The following ACTR3C variants were observed in gnomAD, a reference collection of about 807,000 sequenced individuals.
The protein encoded by ACTR3C is actin-related protein 3C.
Under a neutral mutation model 26.3 loss-of-function variants are expected in ACTR3C, and 18 were observed. The observed-to-expected ratio is 0.68, with a 90% CI of 0.47 to 1.01. The LOEUF (loss-of-function observed/expected upper bound fraction) is 1.01. Among genes scored for constraint, ACTR3C ranks in the 50% least tolerant of loss-of-function variants. The pLI, the probability that ACTR3C is intolerant of heterozygous loss-of-function variation, is 0.00. For missense variants in ACTR3C, 184 were observed against 250.7 expected (o/e 0.73, Z 1.80); for synonymous variants, 55 against 94.5 (o/e 0.58, Z 2.42).
At chr7:150,056,751 C>T in the ACTR3C span, among the ~76,000 whole-genome samples, 2,455 of 146,340 alleles carry the variant, frequency 0.017, 74 homozygotes, top group African/African-American at 0.059. Context: ...CTGCAGCGCA[C>T]CCATAATCAT....
At chr7:150,197,135 C>A in the ACTR3C span, among the ~76,000 whole-genome samples, 1 of 152,202 alleles carries the variant, frequency 6.6e-6, no homozygotes, top group Admixed American at 6.5e-5. Context: ...ATCTCCTCTG[C>A]AGAGGCTGGT....
the ACTR3C span, among the ~76,000 whole-genome samples, chr7:150,200,327 C>T: frequency 1.3e-5 from 2 of 152,032 alleles, no homozygotes; most frequent in East Asian, 3.9e-4. Context: ...AGCTTTTAAC[C>T]ATCAAAAGTG....
At chr7:150,040,857 TG>T in the ACTR3C span, among the ~76,000 whole-genome samples, 4 of 148,608 alleles carry the variant, frequency 2.7e-5, no homozygotes, top group African/African-American at 1.0e-4. Flanking sequence ...GAAGAGGGGC[TG>T]GCTCTCAACC....
chr7:149,949,980 C>T, the ACTR3C span, among the ~76,000 whole-genome samples: 1 of 140,744 alleles, frequency 7.1e-6, no homozygotes. Context: ...GAAGCGAGTG[C>T]ACTCCCTGGA....
chr7:150,080,653 A>G, the ACTR3C span, among the ~76,000 whole-genome samples: 1 of 152,088 alleles, frequency 6.6e-6, no homozygotes, highest in Non-Finnish European at 1.5e-5. Flanking sequence ...CTAGATGGAC[A>G]GTTCTGTGGG....
the ACTR3C span, among the ~76,000 whole-genome samples, chr7:150,199,278 T>C: frequency 7.8e-6 from 1 of 127,890 alleles, no homozygotes; most frequent in Non-Finnish European, 1.6e-5. Context: ...TTCCTCTGCC[T>C]TGGGATCCTG....
chr7:149,913,312 G>A, the ACTR3C span, among the ~76,000 whole-genome samples: 2 of 152,062 alleles, frequency 1.3e-5, no homozygotes, highest in Non-Finnish European at 2.9e-5. Flanking sequence ...AAAAAGAAAC[G>A]TTCCCTATTT....
At chr7:149,898,336 A>G in the ACTR3C span, among the ~76,000 whole-genome samples, 1 of 152,282 alleles carries the variant, frequency 6.6e-6, no homozygotes, top group Non-Finnish European at 1.5e-5. Flanking sequence ...AACACAAGTG[A>G]CAGATACTAT....
chr7:149,974,173 C>A, the ACTR3C span, among the ~76,000 whole-genome samples: 852 of 121,366 alleles, frequency 7.0e-3, 10 homozygotes, highest in African/African-American at 0.028. Flanking sequence ...CTATTACATA[C>A]TGGACATTAT....
At chr7:150,048,416 C>A in the ACTR3C span, among the ~76,000 whole-genome samples, 2 of 151,950 alleles carry the variant, frequency 1.3e-5, no homozygotes, top group African/African-American at 2.4e-5. Flanking sequence ...GGCACGGGGT[C>A]GCACAAAAAG....
chr7:150,102,785 T>C, the ACTR3C span, among the ~76,000 whole-genome samples: 8 of 152,008 alleles, frequency 5.3e-5, no homozygotes, highest in East Asian at 1.5e-3. Context: ...CCTTGATTTT[T>C]CTCCTTAGCA....
chr7:150,203,739 G>C, the ACTR3C span, among the ~76,000 whole-genome samples: 1 of 152,020 alleles, frequency 6.6e-6, no homozygotes, highest in Admixed American at 6.6e-5. Flanking sequence ...CTAATTTTTT[G>C]TATTTTTAGT....
intron 6 of ACTR3C, among the ~76,000 whole-genome samples, chr7:150,280,077 T>C (rs1835195639): frequency 6.6e-6 from 1 of 152,238 alleles, no homozygotes; most frequent in Non-Finnish European, 1.5e-5. Flanking sequence ...AAACACTGGC[T>C]GATCCAAGAG....
chr7:150,208,101 A>G, the ACTR3C span, among the ~76,000 whole-genome samples: 1 of 152,200 alleles, frequency 6.6e-6, no homozygotes, highest in Non-Finnish European at 1.5e-5. Context: ...GATTTCTGAT[A>G]GATGGGGAGT....
intron 6 of ACTR3C, among the ~76,000 whole-genome samples, chr7:150,259,291 A>AAG (rs879890269): frequency 6.1e-4 from 92 of 149,604 alleles, no homozygotes; most frequent in African/African-American, 2.3e-3. Flanking sequence ...GAAAGAAAGA[A>AAG]AAAGAAAGAA....
At chr7:150,313,650 C>T (rs1478346549) in intron 1 of ACTR3C, among the ~76,000 whole-genome samples, 1 of 152,096 alleles carries the variant, frequency 6.6e-6, no homozygotes, top group Admixed American at 6.5e-5. Context: ...GTTTTTTTCA[C>T]GTTAACTTTG....
At chr7:150,309,909 G>T (rs141144550) in intron 1 of ACTR3C, among the ~76,000 whole-genome samples, 1 of 152,036 alleles carries the variant, frequency 6.6e-6, no homozygotes, top group African/African-American at 2.4e-5. Flanking sequence ...GGGTAAGTCC[G>T]TCCCCTTTTT....
the ACTR3C span, among the ~76,000 whole-genome samples, chr7:150,063,674 T>C: frequency 2.0e-5 from 3 of 151,700 alleles, no homozygotes; most frequent in South Asian, 2.1e-4. Flanking sequence ...CAAAACAGTA[T>C]TGTAGTTGTG....
chr7:150,011,263 C>T, the ACTR3C span, among the ~76,000 whole-genome samples: 1 of 152,016 alleles, frequency 6.6e-6, no homozygotes, highest in Non-Finnish European at 1.5e-5. Flanking sequence ...TTAACACCTT[C>T]ATCAAAGGTC....
Sources: allele counts gnomAD v4.1 joint callset (sites outside exome capture counted in the v4.1 genomes callset), GRCh38; gene constraint gnomAD v4.1.1; transcripts MANE v1.5; gene names NCBI Gene and HGNC (gene_info 2026-07-23, HGNC 2026-07-21).